APBB2: variants seen among roughly 807,000 people sequenced by gnomAD.
APBB2 encodes amyloid beta precursor protein binding family B member 2, also known as Fe65-like 1.
Under a neutral mutation model 82.5 loss-of-function variants are expected in APBB2, and 38 were observed. The observed-to-expected ratio is 0.46, with a 90% CI of 0.36 to 0.60. APBB2 has a LOEUF of 0.60. APBB2 is among the 20% of genes least tolerant of loss of function. The pLI is 0.00. For synonymous variants in APBB2, 341 were observed against 368.2 expected (o/e 0.93, Z 0.85); for missense variants, 772 against 972.3 (o/e 0.79, Z 2.74).
At chr4:41,061,593 T>C (rs1729865152) in intron 4 of APBB2, among the ~76,000 whole-genome samples, 1 of 152,262 alleles carries the variant, frequency 6.6e-6, no homozygotes, top group South Asian at 2.1e-4. Flanking sequence ...GGACTACTGT[T>C]GTACATGCAG....
At chr4:40,829,831 C>A (rs964013572) in intron 13 of APBB2, among the ~76,000 whole-genome samples, 5 of 152,260 alleles carry the variant, frequency 3.3e-5, no homozygotes, top group African/African-American at 1.2e-4. Flanking sequence ...CACAGTCTTG[C>A]CTCCCAGCTG....
At chr4:40,979,267 T>C (rs1010402387) in intron 6 of APBB2, among the ~76,000 whole-genome samples, 4 of 152,200 alleles carry the variant, frequency 2.6e-5, no homozygotes, top group African/African-American at 9.7e-5. Flanking sequence ...AGACTTGATG[T>C]CCAACATACA....
At chr4:40,864,773 T>A (rs970036096) in intron 12 of APBB2, among the ~76,000 whole-genome samples, 2 of 151,842 alleles carry the variant, frequency 1.3e-5, no homozygotes, top group Admixed American at 6.6e-5. Flanking sequence ...TCCTAACTGC[T>A]GCAGGGTGTA....
chr4:40,930,383 A>AT (rs1057282072), intron 10 of APBB2, among the ~76,000 whole-genome samples: 2 of 152,022 alleles, frequency 1.3e-5, no homozygotes, highest in African/African-American at 4.8e-5. Context: ...TTCAAAAAAC[A>AT]TTTTCAGAGT....
At chr4:40,845,097 A>G (rs2154317646) in intron 12 of APBB2, among the ~76,000 whole-genome samples, 1 of 152,342 alleles carries the variant, frequency 6.6e-6, no homozygotes, top group South Asian at 2.1e-4. Flanking sequence ...GCTACTGCAA[A>G]CTTTTAACAC....
chr4:41,185,910 T>C (rs1772763856), intron 1 of APBB2, among the ~76,000 whole-genome samples: 1 of 152,116 alleles, frequency 6.6e-6, no homozygotes, highest in African/African-American at 2.4e-5. Context: ...AAGTGAAAAA[T>C]GTAAAGTCAT....
intron 10 of APBB2, among the ~76,000 whole-genome samples, chr4:40,922,301 C>G (rs1238863749): frequency 6.6e-6 from 1 of 152,210 alleles, no homozygotes; most frequent in Admixed American, 6.5e-5. Flanking sequence ...CTTCCCCAGT[C>G]TGACTGATCT....
At chr4:41,098,903 T>C (rs1744428660) in intron 3 of APBB2, among the ~76,000 whole-genome samples, 1 of 152,166 alleles carries the variant, frequency 6.6e-6, no homozygotes, top group Non-Finnish European at 1.5e-5. Flanking sequence ...AACATAATCC[T>C]TTTTCAAATA....
chr4:41,058,303 AG>A (rs1012853997), intron 4 of APBB2, among the ~76,000 whole-genome samples: 2 of 151,954 alleles, frequency 1.3e-5, no homozygotes, highest in Non-Finnish European at 2.9e-5. Context: ...AAAAAAAAAA[AG>A]CAAGAGCAAG....
chr4:40,878,355 A>G (rs1270429143), intron 12 of APBB2, among the ~76,000 whole-genome samples: 2 of 152,032 alleles, frequency 1.3e-5, no homozygotes, highest in African/African-American at 4.8e-5. Flanking sequence ...ATACCAAACC[A>G]AACCAAAACA....
chr4:41,189,675 T>G (rs1351881022), intron 1 of APBB2, among the ~76,000 whole-genome samples: 2 of 152,196 alleles, frequency 1.3e-5, no homozygotes, highest in East Asian at 3.8e-4. Flanking sequence ...TATACTTCTC[T>G]CTCCTGAGGA....
rs569410497 is a variant in APBB2, at chr4:41,043,953, G to C, written c.-50-10649C>G. On this transcript the variant is annotated intron_variant, in intron 4 of 17. Transcript: ENST00000508593. ...ACCTCTGAATTGCCTGCAAATTGGAGCTAGATTCAGAGGCTTGAACAGATT... is the reference window on the plus strand; with the variant it reads ...ACCTCTGAATTGCCTGCAAATTGGACCTAGATTCAGAGGCTTGAACAGATT... Among the ~76,000 whole-genome samples, 3 of 152,272 alleles carry C rather than the reference G, an allele frequency of 2.0e-5. No individual in the cohort carries two copies. The South Asian group carries it at 6.2e-4, about 32-fold the overall frequency.
intron 10 of APBB2, among the ~76,000 whole-genome samples, chr4:40,928,868 G>C (rs1390519534): frequency 6.6e-6 from 1 of 151,438 alleles, no homozygotes; most frequent in African/African-American, 2.4e-5. Context: ...CTGGATGACA[G>C]AGTGAGCTCC....
At chr4:40,890,573 G>A (rs554197686) in intron 11 of APBB2, 82 bp from the exon 12 acceptor site, 30 of 1,551,414 alleles carry the variant, frequency 1.9e-5, no homozygotes, top group East Asian at 9.3e-5. Context: ...TAGGAATGCC[G>A]TGTCAACCAT....
At chr4:40,915,005 G>A (rs1231735855) in intron 10 of APBB2, among the ~76,000 whole-genome samples, 2 of 152,198 alleles carry the variant, frequency 1.3e-5, no homozygotes, top group African/African-American at 4.8e-5. Context: ...GAGAGGGGAA[G>A]GGGGCAGTTG....
intron 1 of APBB2, among the ~76,000 whole-genome samples, chr4:41,192,903 T>A (rs1026960593): frequency 4.6e-5 from 7 of 152,350 alleles, no homozygotes; most frequent in African/African-American, 1.2e-4. Flanking sequence ...ATGATTTTTT[T>A]AAATAATCTT....
chr4:40,839,258 C>T (rs1755029458), intron 12 of APBB2, among the ~76,000 whole-genome samples: 1 of 151,772 alleles, frequency 6.6e-6, no homozygotes, highest in Non-Finnish European at 1.5e-5. Context: ...TATATTTTTT[C>T]TAAATGATGA....
At chr4:41,160,658 G>T (rs1764921585) in intron 1 of APBB2, among the ~76,000 whole-genome samples, 1 of 151,986 alleles carries the variant, frequency 6.6e-6, no homozygotes, top group South Asian at 2.1e-4. Context: ...TCCCTTCCCT[G>T]GTCTCCCTCT....
chr4:40,862,562 G>T (rs1229424664), intron 12 of APBB2, among the ~76,000 whole-genome samples: 1 of 152,198 alleles, frequency 6.6e-6, no homozygotes, highest in African/African-American at 2.4e-5. Flanking sequence ...TTAAAATGAT[G>T]GTGCCGGGCG....
Sources: gnomAD v4.1 joint callset for allele counts (sites outside exome capture counted in the v4.1 genomes callset) on GRCh38, gnomAD v4.1.1 for gene constraint, MANE v1.5 for transcripts, NCBI Gene and HGNC (gene_info 2026-07-23, HGNC 2026-07-21) for gene names.